Variants in ATG10 observed in about 807,000 individuals in gnomAD.
ATG10 encodes ubiquitin-like-conjugating enzyme ATG10.
ATG10 carries 30 observed loss-of-function variants against 32.1 expected under a neutral mutation model. The observed-to-expected ratio is 0.94, with a 90% CI of 0.70 to 1.27. The LOEUF (loss-of-function observed/expected upper bound fraction) is 1.27, where lower values mean the gene tolerates loss of function less well. Ranked by LOEUF, ATG10 falls within the 50% of genes most tolerant of loss-of-function variation. The pLI is 0.00. For missense variants in ATG10, 233 were observed against 262.3 expected (o/e 0.89, Z 0.77); for synonymous variants, 87 against 91.5 (o/e 0.95, Z 0.28).
At chr5:82,233,898 C>G (rs538001037) in intron 5 of ATG10, among the ~76,000 whole-genome samples, 1 of 152,264 alleles carries the variant, frequency 6.6e-6, no homozygotes, top group East Asian at 1.9e-4. Context: ...TTTTTACGTG[C>G]CCTTACAGAA....
intron 3 of ATG10, chr5:82,078,515 T>C (rs1456369061): frequency 6.6e-6 from 1 of 152,196 alleles, no homozygotes. Flanking sequence ...TGGAATGTAG[T>C]GCACTATGTC....
At chr5:82,110,901 G>A (rs1765598728) in intron 3 of ATG10, among the ~76,000 whole-genome samples, 2 of 151,850 alleles carry the variant, frequency 1.3e-5, no homozygotes, top group African/African-American at 2.4e-5. Context: ...GAAACTAAAG[G>A]TACCTAATCA....
chr5:82,186,627 T>A (rs188378707), intron 5 of ATG10, among the ~76,000 whole-genome samples: 91 of 146,174 alleles, frequency 6.2e-4, no homozygotes, highest in African/African-American at 2.1e-3. Context: ...AGAGTCTTGC[T>A]CTGTCACCCA....
At chr5:82,196,515 G>A (rs1744856882) in intron 5 of ATG10, among the ~76,000 whole-genome samples, 1 of 152,052 alleles carries the variant, frequency 6.6e-6, no homozygotes, top group South Asian at 2.1e-4. Context: ...TATGGTTTTA[G>A]CTTTTACATT....
At chr5:82,219,137 T>A (rs1375693114) in intron 5 of ATG10, among the ~76,000 whole-genome samples, 1 of 152,232 alleles carries the variant, frequency 6.6e-6, no homozygotes, top group East Asian at 1.9e-4. Flanking sequence ...AGTTTCAAAC[T>A]GGAAAAAGTA....
chr5:81,983,746 CA>C (rs1761155004), intron 1 of ATG10, among the ~76,000 whole-genome samples: 33 of 148,028 alleles, frequency 2.2e-4, no homozygotes, highest in African/African-American at 8.5e-4. Context: ...ACTTCTCAGA[CA>C]GGGCGGCTGC....
intron 2 of ATG10, among the ~76,000 whole-genome samples, chr5:82,052,415 T>G (rs1763461341): frequency 6.6e-6 from 1 of 152,104 alleles, no homozygotes; most frequent in African/African-American, 2.4e-5. Flanking sequence ...ACTAGAAAAC[T>G]TGCTTGTCTC....
At chr5:82,053,025 G>A (rs1763478263) in intron 2 of ATG10, among the ~76,000 whole-genome samples, 1 of 152,126 alleles carries the variant, frequency 6.6e-6, no homozygotes, top group Non-Finnish European at 1.5e-5. Flanking sequence ...TCCAAGGTGT[G>A]TGCATTTTAA....
chr5:82,100,962 T>G (rs1765253306), intron 3 of ATG10, among the ~76,000 whole-genome samples: 1 of 152,096 alleles, frequency 6.6e-6, no homozygotes, highest in Non-Finnish European at 1.5e-5. Context: ...CTGAAACATT[T>G]AAGAAGGATT....
Position 81,994,877 on chromosome 5 carries a change from A to G in ATG10, c.108+7199A>G, listed in dbSNP as rs78545145. Among the ~76,000 whole-genome samples, 413 of 152,318 alleles carry G rather than the reference A, an allele frequency of 2.7e-3. 1 individual carries two copies. Among genetic ancestry groups the G allele is most frequent in the African/African-American group, 8.6e-3 (357 of 41,570 alleles). The stretch of plus-strand genomic sequence containing the variant: ...CAGTGCATGTTTGTCATGGTGAATC[A>G]TAAAAATACATCTAGAAGCCAAGGT... On this transcript the variant is annotated intron_variant, in intron 2 of 7. Coordinates refer to ENST00000282185, the MANE Select transcript of ATG10 (RefSeq NM_031482.5).
intron 3 of ATG10, chr5:82,078,518 A>C (rs1320659686): frequency 6.6e-6 from 1 of 152,212 alleles, no homozygotes; most frequent in African/African-American, 2.4e-5. Context: ...AATGTAGTGC[A>C]CTATGTCAAC....
intron 3 of ATG10, among the ~76,000 whole-genome samples, chr5:82,131,205 TA>T (rs1305965895): frequency 1.3e-5 from 2 of 152,106 alleles, no homozygotes; most frequent in African/African-American, 4.8e-5. Flanking sequence ...CCCTCATATC[TA>T]AAATAAAAGT....
chr5:82,089,209 G>T (rs1029248947), intron 3 of ATG10, among the ~76,000 whole-genome samples: 1 of 152,048 alleles, frequency 6.6e-6, no homozygotes, highest in Non-Finnish European at 1.5e-5. Flanking sequence ...GGGCATGGTG[G>T]TGCATGCCTG....
chr5:82,136,810 C>G (rs1422685280), intron 3 of ATG10, among the ~76,000 whole-genome samples: 1 of 152,144 alleles, frequency 6.6e-6, no homozygotes, highest in Non-Finnish European at 1.5e-5. Context: ...GAGTGTTTTC[C>G]AACTTGGTTC....
intron 2 of ATG10, among the ~76,000 whole-genome samples, chr5:82,039,744 T>C (rs1009301040): frequency 2.0e-5 from 3 of 152,248 alleles, no homozygotes; most frequent in Non-Finnish European, 4.4e-5. Context: ...ATGTTTCAGC[T>C]ATGTCTTGCT....
At chr5:82,096,850 A>G (rs948728752) in intron 3 of ATG10, among the ~76,000 whole-genome samples, 4 of 152,130 alleles carry the variant, frequency 2.6e-5, no homozygotes, top group Admixed American at 6.6e-5. Flanking sequence ...CCACTGCCCC[A>G]ATCCTTTTTT....
rs150715727 is a variant in ATG10 at position 82,137,008 on chromosome 5, T to C, written c.217-27391T>C. On this transcript the variant is annotated intron_variant, in intron 3 of 7. Transcript: ENST00000282185. ...TCTTCCGCTTGATTGATTCAGCTAT[T>C]GGTACTTATGTATGCTGCTTGAAGT... Among the ~76,000 whole-genome samples the C allele has an allele frequency of 6.8e-4, 104 of 152,230 alleles. 1 individual carries two copies. The highest frequency in any genetic ancestry group is 2.3e-3 in the African/African-American group (97 of 41,568).
rs368862848 is a variant in ATG10, at chr5:82,139,005, G to A, written c.217-25394G>A. Reference sequence around the variant, plus strand: ...ATGCCTGCGATCGCAGGCACGCGCCGCCACGCCTGACTGGTTTTGGTGGAG... The same window carrying A: ...ATGCCTGCGATCGCAGGCACGCGCCACCACGCCTGACTGGTTTTGGTGGAG... On this transcript the variant is annotated intron_variant, in intron 3 of 7. Transcript: ENST00000282185. Among the ~76,000 whole-genome samples, 781 of 150,644 alleles carry A rather than the reference G, an allele frequency of 5.2e-3. 18 individuals are homozygous for A. In the East Asian group the frequency reaches 0.073, roughly 14 times the overall value.
At chr5:82,034,705 C>T (rs750325378) in intron 2 of ATG10, among the ~76,000 whole-genome samples, 1 of 152,098 alleles carries the variant, frequency 6.6e-6, no homozygotes, top group South Asian at 2.1e-4. Context: ...CCTGCTGTTT[C>T]TGTGGCGCCT....
Sources: allele counts gnomAD v4.1 joint callset (sites outside exome capture counted in the v4.1 genomes callset), GRCh38; gene constraint gnomAD v4.1.1; transcripts MANE v1.5; gene names NCBI Gene and HGNC (gene_info 2026-07-23, HGNC 2026-07-21).